KIF1B: variants seen among roughly 807,000 people sequenced by gnomAD.
KIF1B encodes the protein kinesin family member 1B.
A neutral mutation model predicts 241.9 loss-of-function variants in KIF1B; 76 were observed. The observed-to-expected ratio is 0.31, with a 90% CI of 0.26 to 0.38. The LOEUF is 0.38. Ranked by LOEUF, KIF1B falls within the 10% of genes least tolerant of loss-of-function variation. The pLI is 1.00. For missense variants in KIF1B, 1,622 were observed against 2,271.4 expected (o/e 0.71, Z 5.81); for synonymous variants, 750 against 796.7 (o/e 0.94, Z 0.99).
chr1:10,343,303 G>T lies in KIF1B; in HGVS notation c.3688+16G>T. 2 of 1,612,982 alleles carry T rather than the reference G, an allele frequency of 1.2e-6. No individual in the cohort carries two copies. Among genetic ancestry groups the T allele is most frequent in the East Asian group, 4.5e-5 (2 of 44,872 alleles). On this transcript the variant is annotated intron_variant, in intron 34 of 48. Coordinates refer to ENST00000676179, the MANE Select transcript of KIF1B (RefSeq NM_001365951.3). ...TCCAAGCCAGGTGAGCACTCGCTCC[G>T]CTTTTTGCATGATGATCTCTTTGTG...
chr1:10,371,350 G>A, intron 45 of KIF1B, 88 bp downstream of exon 45: 1 of 1,482,666 alleles, frequency 6.7e-7, no homozygotes, highest in Admixed American at 1.8e-5. Flanking sequence ...CTTGACTGAA[G>A]GCAGCACCTT....
intron 4 of KIF1B, among the ~76,000 whole-genome samples, chr1:10,259,625 C>T (rs774382867): frequency 6.6e-6 from 1 of 151,934 alleles, no homozygotes; most frequent in African/African-American, 2.4e-5. Context: ...GCCTCAGCCT[C>T]CCAAGTAGCT....
intron 17 of KIF1B, among the ~76,000 whole-genome samples, chr1:10,294,757 A>G (rs1319993258): frequency 6.6e-6 from 1 of 152,190 alleles, no homozygotes; most frequent in Middle Eastern, 3.2e-3. Flanking sequence ...AATCCCAGCT[A>G]CTTGAGAGGC....
intron 22 of KIF1B, among the ~76,000 whole-genome samples, chr1:10,312,012 G>T (rs922926365): frequency 1.3e-5 from 2 of 151,312 alleles, no homozygotes; most frequent in Non-Finnish European, 2.9e-5. Context: ...GAGAGCCAGA[G>T]CCAGTCCCAG....
At chr1:10,351,521 G>A (rs1652793436) in intron 37 of KIF1B, among the ~76,000 whole-genome samples, 2 of 152,204 alleles carry the variant, frequency 1.3e-5, no homozygotes, top group Non-Finnish European at 2.9e-5. Context: ...CAGAGAGGTT[G>A]AGCCTTAGGC....
chr1:10,302,562 A>C (rs987731345), intron 22 of KIF1B, among the ~76,000 whole-genome samples: 1 of 152,094 alleles, frequency 6.6e-6, no homozygotes, highest in Non-Finnish European at 1.5e-5. Context: ...ACTTTTTTCT[A>C]GGGCTGCTCT....
intron 15 of KIF1B, among the ~76,000 whole-genome samples, chr1:10,285,410 C>G (rs1266802431): frequency 6.6e-6 from 1 of 152,178 alleles, no homozygotes; most frequent in Non-Finnish European, 1.5e-5. Flanking sequence ...ATTCAGGTAA[C>G]CCAGTGTCTT....
Position 10,320,116 on chromosome 1 carries a change from A to G in KIF1B, c.2189A>G (p.Glu730Gly). The part of the protein sequence containing the change: ...TRSLAAETTE[E>G]EEEEEEVPWT... The stretch of plus-strand genomic sequence containing the variant: ...TCTCTGGCTGCAGAAACAACTGAAG[A>G]GGAGGAAGAAGAGGAAGAAGGTGAA... The change falls in exon 23 of 49, where the codon GAG (glutamate) becomes GGG (glycine). Residue 730 changes from glutamate to glycine, a missense_variant. By Grantham distance (98) the Glu-to-Gly change is moderately conservative. Transcript: ENST00000676179. 6.2e-7 allele frequency: 1 copy of G among 1,613,230 alleles called. No individual in the cohort carries two copies. Among genetic ancestry groups the G allele is most frequent in the South Asian group, 1.1e-5 (1 of 91,068 alleles).
intron 22 of KIF1B, among the ~76,000 whole-genome samples, chr1:10,298,192 C>T (rs1243709290): frequency 6.6e-6 from 1 of 152,110 alleles, no homozygotes; most frequent in Non-Finnish European, 1.5e-5. Context: ...TTTTAAGATT[C>T]AGTTGTATCT....
At chr1:10,262,967 T>G (rs923750701) in intron 5 of KIF1B, among the ~76,000 whole-genome samples, 4 of 152,196 alleles carry the variant, frequency 2.6e-5, no homozygotes, top group Admixed American at 6.5e-5. Context: ...ACACATTTGC[T>G]TATTTGATAA....
At chr1:10,263,655 C>T (rs1381428367) in intron 5 of KIF1B, among the ~76,000 whole-genome samples, 4 of 152,284 alleles carry the variant, frequency 2.6e-5, no homozygotes, top group Admixed American at 2.6e-4. Context: ...CTGCCCTAAG[C>T]ATATTTTGCG....
chr1:10,303,251 C>T lies in KIF1B; in HGVS notation c.2115+6005C>T, dbSNP rs201589971. ...ATTACTTCTCTGAGAGAAAAGCTAC[C>T]TCCCAGCAAGTTGCAAACCATTGTT... On this transcript the variant is annotated intron_variant, in intron 22 of 48. Transcript: ENST00000676179. The surrounding 1 kb of genome is among the most constrained non-coding windows in gnomAD (Gnocchi z 5.2). The T allele has an allele frequency of 5.9e-5, 95 of 1,614,138 alleles. No homozygotes were observed. The highest frequency in any genetic ancestry group is 2.2e-5 in the East Asian group (1 of 44,888).
At chr1:10,277,707 G>T (rs375380587) in intron 12 of KIF1B, among the ~76,000 whole-genome samples, 6 of 152,148 alleles carry the variant, frequency 3.9e-5, no homozygotes, top group Admixed American at 2.6e-4. Context: ...TTCCATGAAA[G>T]ACACTTGATG....
At chr1:10,361,623 G>A (rs1483995451) in intron 39 of KIF1B, 69 bp from the exon 40 acceptor site, 4 of 1,593,270 alleles carry the variant, frequency 2.5e-6, no homozygotes, top group East Asian at 4.5e-5. Context: ...TTCCAAATAC[G>A]TTCGTGTATA....
chr1:10,268,266 A>T lies in KIF1B; in HGVS notation c.720+3A>T. ...AGACCAACCTTTCCACTGAGAAGGT[A>T]GGAGAGTTTCAGTCTCTAGGCTTGA... is the stretch of plus-strand genomic sequence containing the variant. On this transcript the variant is annotated splice_donor_region_variant and intron_variant, in intron 7 of 48. Transcript: ENST00000676179. 1.3e-6 allele frequency: 2 copies of T among 1,570,246 alleles called. No homozygotes were observed. The highest frequency in any genetic ancestry group is 1.8e-6 in the Non-Finnish European group (2 of 1,140,050).
At chr1:10,328,059 G>A (rs1557716842) in intron 27 of KIF1B, among the ~76,000 whole-genome samples, 1 of 152,128 alleles carries the variant, frequency 6.6e-6, no homozygotes, top group Non-Finnish European at 1.5e-5. Context: ...GTGTTGTGGT[G>A]CATGCCTGTA....
intron 27 of KIF1B, among the ~76,000 whole-genome samples, chr1:10,327,595 T>A (rs1651772051): frequency 6.6e-6 from 1 of 152,104 alleles, no homozygotes; most frequent in Admixed American, 6.6e-5. Flanking sequence ...TGTCTCTGGC[T>A]CTCAGTTTGT....
At chr1:10,304,451 C>A in intron 22 of KIF1B, 1 of 1,611,200 alleles carries the variant, frequency 6.2e-7, no homozygotes, top group East Asian at 2.2e-5. Context: ...ACTTTCCAGG[C>A]AAAGCGCCAT....
chr1:10,346,324 A>C (rs990678981), intron 35 of KIF1B, among the ~76,000 whole-genome samples: 1 of 152,108 alleles, frequency 6.6e-6, no homozygotes, highest in African/African-American at 2.4e-5. Flanking sequence ...GCAACAGCAA[A>C]ATCATGGAGA....
Sources: gnomAD v4.1 joint callset for allele counts (sites outside exome capture counted in the v4.1 genomes callset) on GRCh38, gnomAD v4.1.1 for gene constraint, Gnocchi (gnomAD v3.1) non-coding constraint, MANE v1.5 for transcripts, NCBI Gene and HGNC (gene_info 2026-07-23, HGNC 2026-07-21) for gene names.